The following PTPRA variants were observed in gnomAD, a reference collection of about 807,000 sequenced individuals.
PTPRA encodes the protein receptor-type tyrosine-protein phosphatase alpha.
In PTPRA, 25 loss-of-function variants were observed where a neutral mutation model predicts 104.8. That is an observed-to-expected ratio of 0.24 (90% CI 0.17 to 0.33). The LOEUF (loss-of-function observed/expected upper bound fraction) is 0.33. Among genes scored for constraint, PTPRA ranks in the 10% least tolerant of loss-of-function variants. The pLI is 1.00. For synonymous variants in PTPRA, 323 were observed against 368.9 expected (o/e 0.88, Z 1.43); for missense variants, 765 against 1,015.3 (o/e 0.75, Z 3.35).
At chr20:2,922,030 C>G (rs2060117251) in intron 1 of PTPRA, among the ~76,000 whole-genome samples, 1 of 152,156 alleles carries the variant, frequency 6.6e-6, no homozygotes, top group Admixed American at 6.5e-5. Flanking sequence ...ATGCCAGTAG[C>G]CCAGCCTCCC....
At chr20:2,988,226 A>G in intron 8 of PTPRA, 112 bp from the exon 9 acceptor site, 1 of 1,528,432 alleles carries the variant, frequency 6.5e-7, no homozygotes, top group South Asian at 1.2e-5. Context: ...TTTTGAAGAA[A>G]ACAGTCCTAG....
chr20:2,892,261 G>A (rs2058827043), intron 1 of PTPRA, among the ~76,000 whole-genome samples: 1 of 136,842 alleles, frequency 7.3e-6, no homozygotes, highest in Non-Finnish European at 1.5e-5. Flanking sequence ...TAGCACTCCA[G>A]CCTGGGCAAC....
At chr20:2,953,756 C>T (rs1475411457) in intron 3 of PTPRA, among the ~76,000 whole-genome samples, 2 of 150,720 alleles carry the variant, frequency 1.3e-5, no homozygotes, top group East Asian at 2.0e-4. Flanking sequence ...TACAGGCGCC[C>T]GCCACCACAC....
At chr20:2,989,456 A>G (rs1361295108) in intron 9 of PTPRA, among the ~76,000 whole-genome samples, 1 of 152,162 alleles carries the variant, frequency 6.6e-6, no homozygotes, top group African/African-American at 2.4e-5. Context: ...TTCCTCGAAT[A>G]AATGATATTT....
At chr20:2,905,063 G>A (rs1332381192) in intron 1 of PTPRA, among the ~76,000 whole-genome samples, 1 of 152,188 alleles carries the variant, frequency 6.6e-6, no homozygotes, top group Non-Finnish European at 1.5e-5. Flanking sequence ...TGTCAGATCA[G>A]CAGCAGCATT....
Position 3,037,427 on chromosome 20 carries a change from C to A in PTPRA, c.2334+138C>A. On this transcript the variant is annotated intron_variant, in intron 23 of 23. Transcript: ENST00000399903. This position sits in a 1 kb window ranked among gnomAD's most constrained non-coding sequence, Gnocchi z 4.3. ...CCTGCCCTTGCCCTCCCAAGGTGCCCCAAATACACAGGAAACATTGGGAGG... is the reference window on the plus strand; with the variant it reads ...CCTGCCCTTGCCCTCCCAAGGTGCCACAAATACACAGGAAACATTGGGAGG... 1 of 1,350,974 alleles carries A rather than the reference C, an allele frequency of 7.4e-7. No individual in the cohort carries two copies. The highest frequency in any genetic ancestry group is 1.0e-6 in the Non-Finnish European group (1 of 995,530). The allele number at this position is 1,350,974 out of a possible 1,614,324, so 83.7% of individuals were successfully genotyped here. A position where few individuals can be genotyped will look rare whatever the true frequency, so the allele number is the denominator to read the frequency against.
chr20:2,912,122 CT>C (rs2059746093), intron 1 of PTPRA, among the ~76,000 whole-genome samples: 1 of 151,914 alleles, frequency 6.6e-6, no homozygotes, highest in Non-Finnish European at 1.5e-5. Context: ...AGGCACATGT[CT>C]GTATTCCCAG....
At chr20:3,016,782 A>G (rs1250980635) in intron 12 of PTPRA, among the ~76,000 whole-genome samples, 4 of 152,216 alleles carry the variant, frequency 2.6e-5, no homozygotes, top group Admixed American at 6.5e-5. Flanking sequence ...ATAAAAACAA[A>G]GTTCTCCTCC....
chr20:3,034,358 C>T (rs1208733191), intron 20 of PTPRA, among the ~76,000 whole-genome samples: 2 of 152,146 alleles, frequency 1.3e-5, no homozygotes. Flanking sequence ...TGCTCAATTC[C>T]TCCAGCACAC....
intron 6 of PTPRA, among the ~76,000 whole-genome samples, chr20:2,986,248 GA>G (rs2062905364): frequency 6.6e-6 from 1 of 152,134 alleles, no homozygotes; most frequent in Admixed American, 6.5e-5. Context: ...TCTGTGCCCG[GA>G]AACCATTTGG....
chr20:2,909,932 ATAAT>A (rs2059583347), intron 1 of PTPRA, among the ~76,000 whole-genome samples: 1 of 126,354 alleles, frequency 7.9e-6, no homozygotes, highest in South Asian at 2.3e-4. Flanking sequence ...ATTGTTATAT[ATAAT>A]ATGTGTAATT....
intron 6 of PTPRA, among the ~76,000 whole-genome samples, chr20:2,982,620 A>AT (rs2062732091): frequency 1.3e-5 from 2 of 152,176 alleles, no homozygotes; most frequent in Admixed American, 1.3e-4. Context: ...CAAATATGTA[A>AT]TTATAAAGTG....
chr20:2,992,006 C>G (rs2063197058), intron 9 of PTPRA, among the ~76,000 whole-genome samples: 1 of 152,216 alleles, frequency 6.6e-6, no homozygotes, highest in South Asian at 2.1e-4. Flanking sequence ...CCATAGCAGT[C>G]TACTTCCAGC....
chr20:2,963,888 A>C (rs1427258609), intron 3 of PTPRA, among the ~76,000 whole-genome samples: 2 of 152,050 alleles, frequency 1.3e-5, no homozygotes. Context: ...AAAATTTTAA[A>C]AATTAGCCAG....
chr20:3,000,227 G>A (rs2063570870), intron 9 of PTPRA, among the ~76,000 whole-genome samples: 1 of 152,130 alleles, frequency 6.6e-6, no homozygotes, highest in African/African-American at 2.4e-5. Flanking sequence ...GGTGGAGGCT[G>A]CAGTGAGCCA....
At chr20:3,002,586 C>T (rs2063684309) in intron 9 of PTPRA, among the ~76,000 whole-genome samples, 1 of 152,154 alleles carries the variant, frequency 6.6e-6, no homozygotes, top group South Asian at 2.1e-4. Context: ...CTCGGCCTCC[C>T]AAAGTGCTGG....
At chr20:2,931,497 A>T (rs2060502238) in intron 2 of PTPRA, among the ~76,000 whole-genome samples, 1 of 152,150 alleles carries the variant, frequency 6.6e-6, no homozygotes, top group South Asian at 2.1e-4. Context: ...GAGATAATGG[A>T]GGTGATAATC....
rs534508301 is a variant in PTPRA, at chr20:2,948,951, C to CA, written c.-7+938dup. 1.7e-3 allele frequency among the ~76,000 whole-genome samples: 247 copies of CA among 144,294 alleles called. 1 individual carries two copies. The highest frequency in any genetic ancestry group is 5.1e-3 in the African/African-American group (201 of 39,658). The allele number at this position is 144,294 out of a possible 152,430, so 94.7% of individuals were successfully genotyped here. On this transcript the variant is annotated intron_variant, in intron 3 of 23. Transcript: ENST00000399903. ...TGGGTGACAGAGCGAGACTCCGTCT[C>CA]AAAAAAAAAAAGTAAATAAAAATAA...
At chr20:3,017,051 TC>T (rs1225815325) in intron 12 of PTPRA, among the ~76,000 whole-genome samples, 1 of 152,192 alleles carries the variant, frequency 6.6e-6, no homozygotes, top group Non-Finnish European at 1.5e-5. Flanking sequence ...ATAGTTTTTT[TC>T]CCCCTTCTTT....
Sources: allele counts gnomAD v4.1 joint callset (sites outside exome capture counted in the v4.1 genomes callset), GRCh38; gene constraint gnomAD v4.1.1; non-coding constraint Gnocchi (gnomAD v3.1); transcripts MANE v1.5; gene names NCBI Gene and HGNC (gene_info 2026-07-23, HGNC 2026-07-21).